ZIM3: variants seen among roughly 807,000 people sequenced by gnomAD.
ZIM3 encodes zinc finger imprinted 3.
In ZIM3, 11 loss-of-function variants were observed where a neutral mutation model predicts 12.9. The observed-to-expected ratio is 0.85, with a 90% CI of 0.54 to 1.41. The LOEUF (loss-of-function observed/expected upper bound fraction) is 1.41. Among genes scored for constraint, ZIM3 ranks in the 40% most tolerant of loss-of-function variants. The pLI is 0.00. For synonymous variants in ZIM3, 205 were observed against 198.5 expected (o/e 1.03, Z -0.28); for missense variants, 604 against 557.2 (o/e 1.08, Z -0.85).
intron 4 of ZIM3, among the ~76,000 whole-genome samples, chr19:57,136,569 C>G (rs2086887670): frequency 6.6e-6 from 1 of 150,582 alleles, no homozygotes; most frequent in African/African-American, 2.4e-5. Context: ...GAGGCTGAGG[C>G]AGGAGAATCG....
At chr19:57,136,125 G>A in intron 4 of ZIM3, 30 bp from the exon 5 acceptor site, 1 of 1,570,012 alleles carries the variant, frequency 6.4e-7, no homozygotes, top group Non-Finnish European at 8.7e-7. Flanking sequence ...AATGTCCTGT[G>A]TAAAACGTTC....
Position 57,140,484 on chromosome 19 carries a change from T to TA in ZIM3, c.16-1887dup, listed in dbSNP as rs1279529534. Among the ~76,000 whole-genome samples the TA allele has an allele frequency of 6.7e-5, 10 of 149,740 alleles. No individual in the cohort carries two copies. The East Asian group carries it at 1.8e-3, about 27-fold the overall frequency. On this transcript the variant is annotated intron_variant, in intron 2 of 4. Coordinates refer to ENST00000269834, the MANE Select transcript of ZIM3 (RefSeq NM_052882.1). ...AGCCACCGCACCCGGCCTTTTTTTTTAAATTTTTGACACAGGTTCTTGCTC... is the reference window on the plus strand; with the variant it reads ...AGCCACCGCACCCGGCCTTTTTTTTTAAAATTTTTGACACAGGTTCTTGCTC...
Position 57,135,599 on chromosome 19 carries a change from A to C in ZIM3, c.738T>G (p.Thr246=). ...TCTTACACTGATAGGGTTTCTCTTTAGTATGCATTTTCTGATGTTGAAAGA... is the reference window on the plus strand; with the variant it reads ...TCTTACACTGATAGGGTTTCTCTTTCGTATGCATTTTCTGATGTTGAAAGA... The part of the protein sequence containing the change: ...SNLFQHQKMH[T]KEKPYQCKTC... The change falls in exon 5 of 5, where the codon ACT becomes ACG. Residue 246 remains threonine (T), a synonymous_variant. Coordinates refer to ENST00000269834, the MANE Select transcript of ZIM3 (RefSeq NM_052882.1). 1 of 1,613,988 alleles carries C rather than the reference A, an allele frequency of 6.2e-7. No homozygotes were observed. Among genetic ancestry groups the C allele is most frequent in the Non-Finnish European group, 8.5e-7 (1 of 1,179,986 alleles).
rs777724086 is a variant in ZIM3, at chr19:57,135,733, T to C, written c.604A>G (p.Arg202Gly). 3.1e-6 allele frequency: 5 copies of C among 1,614,048 alleles called. No individual in the cohort carries two copies. The South Asian group carries it at 4.4e-5, about 14-fold the overall frequency. Reference protein sequence around the residue: ...QKPFECHSCGRAFGEKWKLDK... With the variant: ...QKPFECHSCGGAFGEKWKLDK... ...AGCTTCCACTTCTCCCCGAATGCTC[T>C]TCCACAGCTATGACATTCAAAGGGT... Residue 202 changes from arginine (R) to glycine (G), a missense_variant, in exon 5 of 5, where the codon AGA becomes GGA. Transcript: ENST00000269834.
Position 57,139,531 on chromosome 19 carries a change from G to A in ZIM3, c.16-933C>T, listed in dbSNP as rs148357257. Among the ~76,000 whole-genome samples the A allele has an allele frequency of 6.0e-3, 914 of 152,006 alleles. 4 individuals are homozygous for A. The highest frequency in any genetic ancestry group is 9.4e-3 in the Non-Finnish European group (638 of 67,982). ...ACCCGGGGTCAGGAGTTCGAGACCA[G>A]CCTCGTCAACATGGTGAAACCCCAT... On this transcript the variant is annotated intron_variant, in intron 2 of 4. Transcript: ENST00000269834.
Position 57,134,611 on chromosome 19 carries a change from G to C in ZIM3, c.*307C>G. 1 of 266,592 alleles carries C rather than the reference G, an allele frequency of 3.8e-6. No homozygotes were observed. Among genetic ancestry groups the C allele is most frequent in the East Asian group, 7.6e-5 (1 of 13,186 alleles). The allele number at this position is 266,592 out of a possible 1,614,324, so 16.5% of individuals were successfully genotyped here. ...GTATAGTCTTTTAAACGTTTTTAAA[G>C]ATATGGATACCACTGGTCATTATTC... On this transcript the variant is annotated 3_prime_UTR_variant, in exon 5 of 5. Coordinates refer to ENST00000269834, the MANE Select transcript of ZIM3 (RefSeq NM_052882.1).
intron 1 of ZIM3, 47 bp from the exon 2 acceptor site, chr19:57,142,732 G>A (rs529682908): frequency 6.7e-7 from 1 of 1,493,848 alleles, no homozygotes; most frequent in Admixed American, 1.7e-5. Flanking sequence ...ATTCGCTTTG[G>A]AAGTTGGGGA....
rs763683082 is a variant in ZIM3 at position 57,138,584 on chromosome 19, G to T, written c.30C>A (p.Phe10Leu). 35 of 1,614,000 alleles carry T rather than the reference G, an allele frequency of 2.2e-5. No homozygotes were observed. In the South Asian group the frequency reaches 3.4e-4, roughly 16 times the overall value. The change falls in exon 3 of 5, where the codon TTC becomes TTA. Residue 10 changes from phenylalanine to leucine, a missense_variant. By Grantham distance (22) the Phe-to-Leu change is conservative. Transcript: ENST00000269834. Reference protein sequence around the residue: MNNSQGRVTFEDVTVNFTQG... With the variant: MNNSQGRVTLEDVTVNFTQG... The stretch of plus-strand genomic sequence containing the variant: ...GGGTGAAGTTCACAGTGACATCCTC[G>T]AAGGTCACTCTTCCCTGTAACAACA...
At chr19:57,136,239 T>C (rs537098667) in intron 4 of ZIM3, 144 bp from the exon 5 acceptor site, 1 of 740,394 alleles carries the variant, frequency 1.4e-6, no homozygotes, top group East Asian at 2.6e-5. Context: ...TAAGCTCTGT[T>C]AGAGTTCTAT....
intron 4 of ZIM3, 85 bp from the exon 5 acceptor site, chr19:57,136,180 T>G: frequency 7.8e-7 from 1 of 1,281,980 alleles, no homozygotes; most frequent in Non-Finnish European, 1.1e-6. Context: ...TCTATTGTGG[T>G]GATTATTCTG....
rs2086913367 is a variant in ZIM3 at position 57,141,406 on chromosome 19, A to G, written c.15+1223T>C. 2.1e-5 allele frequency among the ~76,000 whole-genome samples: 3 copies of G among 142,878 alleles called. No individual in the cohort carries two copies. The South Asian group carries it at 6.4e-4, about 31-fold the overall frequency. 93.7% of individuals were successfully genotyped at this position (142,878 alleles called of 152,430 possible). On this transcript the variant is annotated intron_variant, in intron 2 of 4. Transcript: ENST00000269834. ...GCAGAGGGAGACTGTCTCAAAAAAA[A>G]AAAAAAAAAAAAAAACAACAAAACA...
At chr19:57,136,840 C>T (rs779916928) in intron 4 of ZIM3, 33 bp downstream of exon 4, 3 of 1,595,556 alleles carry the variant, frequency 1.9e-6, no homozygotes, top group Non-Finnish European at 2.6e-6. Flanking sequence ...CTTCCATGCA[C>T]CATTGACCCA....
chr19:57,140,764 A>G (rs566402207), intron 2 of ZIM3, among the ~76,000 whole-genome samples: 1 of 152,160 alleles, frequency 6.6e-6, no homozygotes, highest in East Asian at 1.9e-4. Context: ...GAGCCACCAC[A>G]CCCAGCCTTA....
chr19:57,137,177 G>A (rs1268039199), intron 3 of ZIM3, among the ~76,000 whole-genome samples: 2 of 152,100 alleles, frequency 1.3e-5, no homozygotes, highest in African/African-American at 4.8e-5. Flanking sequence ...CTGAGCAGTC[G>A]AACTAAACAA....
At chr19:57,139,839 G>A (rs892107872) in intron 2 of ZIM3, among the ~76,000 whole-genome samples, 9 of 152,154 alleles carry the variant, frequency 5.9e-5, no homozygotes, top group Non-Finnish European at 7.3e-5. Context: ...TGGATGGTGC[G>A]CTCCCCTAAT....
At chr19:57,136,662 G>GA (rs373039440) in intron 4 of ZIM3, among the ~76,000 whole-genome samples, 1,662 of 43,636 alleles carry the variant, frequency 0.038, 16 homozygotes, top group Middle Eastern at 0.12. Context: ...TCCGTTTCCA[G>GA]AAAAAAAAAA....
chr19:57,144,041 A>G (rs541923097), intron 1 of ZIM3, among the ~76,000 whole-genome samples: 183 of 151,570 alleles, frequency 1.2e-3, no homozygotes, highest in African/African-American at 4.4e-3. Context: ...TTTAAGTAAT[A>G]AAGTTTTTAT....
In ZIM3 at chr19:57,137,886, GGAAAGAAGGAAGGAAA is replaced by G. The variant is rs1568458756; in HGVS notation, c.142+570_142+585del. On this transcript the variant is annotated intron_variant, in intron 3 of 4. Transcript: ENST00000269834. ...AGGAAGGAAAGAAGGAAGGAAGGAA[GGAAAGAAGGAAGGAAA>G]GAAGGAAGGAAGGAAGGAAAGAAGG... 9.9e-4 allele frequency among the ~76,000 whole-genome samples: 54 copies of G among 54,448 alleles called. 5 individuals are homozygous for G. Among genetic ancestry groups the G allele is most frequent in the African/African-American group, 4.2e-3 (52 of 12,454 alleles). The allele number at this position is 54,448 out of a possible 152,430, so 35.7% of individuals were successfully genotyped here. A position where few individuals can be genotyped will look rare whatever the true frequency, so the allele number is the denominator to read the frequency against.
At position 57,135,121 on chromosome 19, in the gene ZIM3, G is replaced by C; in HGVS notation, c.1216C>G (p.Leu406Val). Residue 406 changes from leucine to valine, a missense_variant, in exon 5 of 5, where the codon CTT becomes GTT. By Grantham distance (32) the Leu-to-Val change is conservative. Transcript: ENST00000269834. ...CGKAFFQKSNLHSHQKTHSGE... is the reference protein window; with the variant it reads ...CGKAFFQKSNVHSHQKTHSGE... ...CTATGAGTTTTCTGATGGCTATGAA[G>C]GTTTGACTTCTGAAAGAAGGCTTTT... is the stretch of plus-strand genomic sequence containing the variant. 1 of 1,614,146 alleles carries C rather than the reference G, an allele frequency of 6.2e-7. No individual in the cohort carries two copies. The highest frequency in any genetic ancestry group is 2.2e-5 in the East Asian group (1 of 44,874).
Sources: gnomAD v4.1 joint callset for allele counts (sites outside exome capture counted in the v4.1 genomes callset) on GRCh38, gnomAD v4.1.1 for gene constraint, MANE v1.5 for transcripts, NCBI Gene and HGNC (gene_info 2026-07-23, HGNC 2026-07-21) for gene names.